The following KCNH7 variants were observed in gnomAD, a reference collection of about 807,000 sequenced individuals.
KCNH7 encodes voltage-gated inwardly rectifying potassium channel KCNH7.
KCNH7 carries 49 observed loss-of-function variants against 120.8 expected under a neutral mutation model. That is an observed-to-expected ratio of 0.41 (90% confidence interval 0.32 to 0.51). KCNH7 has a LOEUF of 0.51. Ranked by LOEUF, KCNH7 falls within the 20% of genes least tolerant of loss-of-function variation. The pLI is 0.38. For synonymous variants in KCNH7, 547 were observed against 516.1 expected (o/e 1.06, Z -0.81); for missense variants, 1,097 against 1,446.6 (o/e 0.76, Z 3.92).
chr2:162,826,290 G>A (rs1256859117), intron 2 of KCNH7, among the ~76,000 whole-genome samples: 1 of 152,070 alleles, frequency 6.6e-6, no homozygotes, highest in Non-Finnish European at 1.5e-5. Flanking sequence ...AGGGAGGGCT[G>A]GGATGGTTTG....
chr2:162,622,013 T>C (rs1188972124), intron 2 of KCNH7, among the ~76,000 whole-genome samples: 1 of 152,236 alleles, frequency 6.6e-6, no homozygotes, highest in Non-Finnish European at 1.5e-5. Flanking sequence ...CTAATTTCTC[T>C]CTTGATATAT....
chr2:162,658,739 T>C (rs1684854634), intron 2 of KCNH7, among the ~76,000 whole-genome samples: 1 of 152,194 alleles, frequency 6.6e-6, no homozygotes, highest in Non-Finnish European at 1.5e-5. Context: ...GTTAATGTAA[T>C]TAGCATTATA....
intron 2 of KCNH7, among the ~76,000 whole-genome samples, chr2:162,669,971 G>A (rs762589397): frequency 2.6e-5 from 4 of 151,720 alleles, no homozygotes; most frequent in East Asian, 2.0e-4. Context: ...GTGGTGGAGC[G>A]TGCCTGTAAT....
intron 2 of KCNH7, among the ~76,000 whole-genome samples, chr2:162,564,588 C>T (rs1377476046): frequency 1.3e-5 from 2 of 152,094 alleles, no homozygotes; most frequent in Non-Finnish European, 2.9e-5. Flanking sequence ...AATTTAGAGA[C>T]ATTTATACAG....
chr2:162,654,694 C>T (rs1003207600), intron 2 of KCNH7, among the ~76,000 whole-genome samples: 1 of 152,086 alleles, frequency 6.6e-6, no homozygotes, highest in Admixed American at 6.6e-5. Flanking sequence ...GATATCTGCA[C>T]TCCCTTGGTC....
intron 6 of KCNH7, among the ~76,000 whole-genome samples, chr2:162,448,536 T>C (rs1336813078): frequency 6.6e-6 from 1 of 152,036 alleles, no homozygotes; most frequent in Non-Finnish European, 1.5e-5. Flanking sequence ...AAAAGGCGTG[T>C]AGTCAATCAA....
chr2:162,406,987 A>T (rs1687246528), intron 9 of KCNH7, among the ~76,000 whole-genome samples: 1 of 152,024 alleles, frequency 6.6e-6, no homozygotes, highest in South Asian at 2.1e-4. Context: ...TTAATCTTAC[A>T]AATATGTATT....
At chr2:162,443,735 G>T (rs554180177) in intron 7 of KCNH7, among the ~76,000 whole-genome samples, 1 of 152,246 alleles carries the variant, frequency 6.6e-6, no homozygotes, top group South Asian at 2.1e-4. Context: ...TCTTCAAAAT[G>T]TCCATCGGAT....
chr2:162,526,972 A>G (rs1691727833), intron 3 of KCNH7, among the ~76,000 whole-genome samples: 1 of 152,036 alleles, frequency 6.6e-6, no homozygotes, highest in South Asian at 2.1e-4. Flanking sequence ...TGAGGAACTA[A>G]TAAATGTCCA....
At position 162,664,482 on chromosome 2, in the gene KCNH7, T is replaced by A. The variant is rs560354976; in HGVS notation, c.308-127402A>T. On this transcript the variant is annotated intron_variant, in intron 2 of 15. Coordinates refer to ENST00000332142, the MANE Select transcript of KCNH7 (RefSeq NM_033272.4). Reference sequence around the variant, plus strand: ...AAGATGACATTGAATGGTAAAGAAGTTAAATAATTTGCCCACTGATACACA... The same window carrying A: ...AAGATGACATTGAATGGTAAAGAAGATAAATAATTTGCCCACTGATACACA... 5.3e-5 allele frequency among the ~76,000 whole-genome samples: 8 copies of A among 152,266 alleles called. 1 individual carries two copies. In the South Asian group the frequency reaches 1.5e-3, roughly 28 times the overall value.
chr2:162,721,274 G>T (rs1196960139), intron 2 of KCNH7, among the ~76,000 whole-genome samples: 1 of 152,104 alleles, frequency 6.6e-6, no homozygotes, highest in Non-Finnish European at 1.5e-5. Flanking sequence ...AGTTTTAAAT[G>T]ATTTTTAACA....
At position 162,823,929 on chromosome 2, in the gene KCNH7, T is replaced by C. The variant is rs78432358; in HGVS notation, c.307+12608A>G. On this transcript the variant is annotated intron_variant, in intron 2 of 15. Transcript: ENST00000332142. Reference sequence around the variant, plus strand: ...TTAATTGCCATATAAGAAGTACCTATGAAAATACTTTATTCTTTTACACTC... The same window carrying C: ...TTAATTGCCATATAAGAAGTACCTACGAAAATACTTTATTCTTTTACACTC... 3.1e-3 allele frequency among the ~76,000 whole-genome samples: 475 copies of C among 151,390 alleles called. 1 individual carries two copies. Among genetic ancestry groups the C allele is most frequent in the Non-Finnish European group, 5.0e-3 (339 of 67,322 alleles).
intron 2 of KCNH7, among the ~76,000 whole-genome samples, chr2:162,798,823 G>A (rs1391525867): frequency 1.3e-5 from 2 of 151,896 alleles, no homozygotes; most frequent in Non-Finnish European, 2.9e-5. Context: ...AGTGCGTAGT[G>A]CAAACTTGGC....
At chr2:162,692,042 T>C (rs1006167739) in intron 2 of KCNH7, among the ~76,000 whole-genome samples, 1 of 152,162 alleles carries the variant, frequency 6.6e-6, no homozygotes, top group African/African-American at 2.4e-5. Context: ...TCTGCAAATA[T>C]GATAACCTGC....
intron 2 of KCNH7, among the ~76,000 whole-genome samples, chr2:162,792,469 T>A (rs1276245590): frequency 1.3e-5 from 2 of 152,124 alleles, no homozygotes; most frequent in African/African-American, 4.8e-5. Context: ...AGCTTATTAT[T>A]GGTCTGTTCA....
At chr2:162,819,508 C>G (rs546099880) in intron 2 of KCNH7, among the ~76,000 whole-genome samples, 41 of 152,302 alleles carry the variant, frequency 2.7e-4, no homozygotes, top group Admixed American at 1.6e-3. Flanking sequence ...GTTTGCAACT[C>G]TTCTGTAGGT....
At chr2:162,787,111 G>T (rs934197005) in intron 2 of KCNH7, among the ~76,000 whole-genome samples, 1 of 151,732 alleles carries the variant, frequency 6.6e-6, no homozygotes, top group African/African-American at 2.4e-5. Context: ...GCCAGGCTAG[G>T]CCCTGCAGAC....
At chr2:162,688,832 C>A (rs1685996191) in intron 2 of KCNH7, among the ~76,000 whole-genome samples, 1 of 149,844 alleles carries the variant, frequency 6.7e-6, no homozygotes, top group African/African-American at 2.5e-5. Flanking sequence ...ATGGTCTTGT[C>A]TCCCAGAGTT....
chr2:162,628,559 C>A (rs1639777543), intron 2 of KCNH7, among the ~76,000 whole-genome samples: 2 of 152,136 alleles, frequency 1.3e-5, no homozygotes, highest in South Asian at 2.1e-4. Context: ...GCCTAGTAAC[C>A]ATTAATTATT....
Sources: allele counts gnomAD v4.1 joint callset (sites outside exome capture counted in the v4.1 genomes callset), GRCh38; gene constraint gnomAD v4.1.1; transcripts MANE v1.5; gene names NCBI Gene and HGNC (gene_info 2026-07-23, HGNC 2026-07-21).